SLC8A3: variants seen among roughly 807,000 people sequenced by gnomAD.
SLC8A3 encodes the protein solute carrier family 8 member A3.
In SLC8A3, 37 loss-of-function variants were observed where a neutral mutation model predicts 65.4. The ratio of observed to expected loss-of-function variants is 0.57; its 90% confidence interval spans 0.44 to 0.74. The LOEUF (loss-of-function observed/expected upper bound fraction) is 0.74. Among genes scored for constraint, SLC8A3 ranks in the 30% least tolerant of loss-of-function variants. SLC8A3 has a pLI of 0.00. For missense variants in SLC8A3, 1,112 were observed against 1,172.1 expected (o/e 0.95, Z 0.75); for synonymous variants, 461 against 444.5 (o/e 1.04, Z -0.47).
chr14:70,091,462 ACC>A (rs1891799685), intron 2 of SLC8A3, among the ~76,000 whole-genome samples: 3 of 151,640 alleles, frequency 2.0e-5, no homozygotes, highest in African/African-American at 7.3e-5. Context: ...AATATCGTAT[ACC>A]CCCTTGACTC....
intron 2 of SLC8A3, among the ~76,000 whole-genome samples, chr14:70,141,774 GC>G (rs1263686821): frequency 6.6e-6 from 1 of 152,212 alleles, no homozygotes; most frequent in Non-Finnish European, 1.5e-5. Flanking sequence ...TATACTGGAA[GC>G]TAAATGCTAT....
intron 2 of SLC8A3, among the ~76,000 whole-genome samples, chr14:70,161,870 C>T (rs1307129137): frequency 1.3e-5 from 2 of 152,198 alleles, no homozygotes; most frequent in East Asian, 1.9e-4. Context: ...TAAAACATTA[C>T]AGAGAAAGCA....
chr14:70,161,168 T>G (rs767639837), intron 2 of SLC8A3, among the ~76,000 whole-genome samples: 5 of 146,624 alleles, frequency 3.4e-5, no homozygotes, highest in Non-Finnish European at 6.0e-5. Flanking sequence ...ATATATATAT[T>G]AGGCCTAGCT....
chr14:70,167,837 T>C lies in SLC8A3; in HGVS notation c.586A>G (p.Lys196Glu), dbSNP rs1414259271. Residue 196 changes from lysine (K) to glutamate (E), a missense_variant, in exon 2 of 7, where the codon AAG (lysine) becomes GAG (glutamate). Lys to Glu is a moderately conservative substitution (Grantham distance 56). Transcript: ENST00000356921. Reference sequence around the variant, plus strand: ...AAGAAGACTCGTAGATGCTTGATCTTGCGAGTCTCTCCGTCTGGGATCACG... The same window carrying C: ...AAGAAGACTCGTAGATGCTTGATCTCGCGAGTCTCTCCGTCTGGGATCACG... ...VYVIPDGETR[K>E]IKHLRVFFIT... is the part of the protein sequence containing the mutation. The C allele has an allele frequency of 2.5e-6, 4 of 1,614,034 alleles. No individual in the cohort carries two copies. In the African/African-American group the frequency reaches 5.3e-5, roughly 22 times the overall value.
intron 2 of SLC8A3, among the ~76,000 whole-genome samples, chr14:70,124,275 G>T (rs985005175): frequency 1.3e-5 from 2 of 152,334 alleles, no homozygotes; most frequent in African/African-American, 4.8e-5. Context: ...GATAATGTCT[G>T]CTCTAAATCC....
chr14:70,181,814 G>C (rs1409868920), intron 1 of SLC8A3, among the ~76,000 whole-genome samples: 1 of 152,170 alleles, frequency 6.6e-6, no homozygotes, highest in African/African-American at 2.4e-5. Context: ...ATTTTAGGAG[G>C]TGAATCTTGT....
chr14:70,084,609 A>T (rs1891292783), intron 2 of SLC8A3, among the ~76,000 whole-genome samples: 1 of 152,192 alleles, frequency 6.6e-6, no homozygotes, highest in South Asian at 2.1e-4. Flanking sequence ...ATCTCTCTCC[A>T]ATGCTCAATG....
intron 2 of SLC8A3, among the ~76,000 whole-genome samples, chr14:70,112,620 T>C (rs1422254916): frequency 6.6e-6 from 1 of 152,158 alleles, no homozygotes; most frequent in African/African-American, 2.4e-5. Context: ...CACCTCTCCA[T>C]CCTGAATGTA....
At chr14:70,185,210 G>C (rs1962837) in intron 1 of SLC8A3, among the ~76,000 whole-genome samples, 5,632 of 152,166 alleles carry the variant, frequency 0.037, 281 homozygotes, top group East Asian at 0.27. Context: ...CAGGTGATCC[G>C]CCTGCCTCGG....
intron 2 of SLC8A3, among the ~76,000 whole-genome samples, chr14:70,134,509 C>T (rs970509665): frequency 6.6e-6 from 1 of 152,132 alleles, no homozygotes; most frequent in Non-Finnish European, 1.5e-5. Context: ...AGCCTAGACA[C>T]CACCCTCAAG....
intron 2 of SLC8A3, among the ~76,000 whole-genome samples, chr14:70,069,242 C>T (rs1172504374): frequency 2.0e-5 from 3 of 152,188 alleles, no homozygotes; most frequent in Non-Finnish European, 4.4e-5. Flanking sequence ...ATCCCAGCAG[C>T]ACAGGCAGGT....
At chr14:70,127,387 G>T (rs191846466) in intron 2 of SLC8A3, among the ~76,000 whole-genome samples, 3 of 152,056 alleles carry the variant, frequency 2.0e-5, no homozygotes, top group Non-Finnish European at 4.4e-5. Flanking sequence ...TTTTGACCCC[G>T]CCCAGGCATC....
intron 5 of SLC8A3, 89 bp downstream of exon 5, chr14:70,050,919 G>A (rs1019975419): frequency 1.3e-6 from 1 of 780,068 alleles, no homozygotes; most frequent in Non-Finnish European, 2.3e-6. Flanking sequence ...AGCCTTCCTA[G>A]GGACTGGCAG....
chr14:70,090,918 A>G (rs11158829), intron 2 of SLC8A3, among the ~76,000 whole-genome samples: 136,650 of 152,216 alleles, frequency 0.9, 61,515 homozygotes, highest in East Asian at 1. Context: ...CTCACACACA[A>G]TATTTTGTAT....
At chr14:70,059,353 G>T (rs1379772742) in intron 3 of SLC8A3, 1 of 152,198 alleles carries the variant, frequency 6.6e-6, no homozygotes, top group Non-Finnish European at 1.5e-5. Context: ...ACATGAATAT[G>T]AACTAATTGC....
intron 2 of SLC8A3, among the ~76,000 whole-genome samples, chr14:70,074,152 G>T (rs560949578): frequency 5.9e-5 from 9 of 152,348 alleles, no homozygotes; most frequent in Non-Finnish European, 1.0e-4. Context: ...GTGGTGTGCA[G>T]CACAGTGGCA....
At chr14:70,126,598 A>ACG (rs1894474215) in intron 2 of SLC8A3, among the ~76,000 whole-genome samples, 1 of 151,396 alleles carries the variant, frequency 6.6e-6, no homozygotes, top group South Asian at 2.1e-4. Flanking sequence ...ACACACACAC[A>ACG]CACACACTTA....
At chr14:70,076,915 T>A (rs11625977) in intron 2 of SLC8A3, among the ~76,000 whole-genome samples, 11,551 of 152,288 alleles carry the variant, frequency 0.076, 519 homozygotes, top group Non-Finnish European at 0.11. Flanking sequence ...AGTAATTATG[T>A]TTTAGGGCTT....
At chr14:70,079,482 G>A (rs931378957) in intron 2 of SLC8A3, among the ~76,000 whole-genome samples, 5 of 151,830 alleles carry the variant, frequency 3.3e-5, no homozygotes, top group Admixed American at 2.6e-4. Context: ...CAGCCTGGGC[G>A]ACAGAGTGAG....
Sources: allele counts gnomAD v4.1 joint callset (sites outside exome capture counted in the v4.1 genomes callset), GRCh38; gene constraint gnomAD v4.1.1; transcripts MANE v1.5; gene names NCBI Gene and HGNC (gene_info 2026-07-23, HGNC 2026-07-21).